The following DEDD2 variants were observed in gnomAD, a reference collection of about 807,000 sequenced individuals.
The protein encoded by DEDD2 is death effector domain containing 2, also known as DNA-binding death effector domain-containing protein 2.
A neutral mutation model predicts 28.9 loss-of-function variants in DEDD2; 18 were observed. That is an observed-to-expected ratio of 0.62 (90% CI 0.43 to 0.92). The LOEUF is 0.92. Ranked by LOEUF, DEDD2 falls within the 40% of genes least tolerant of loss-of-function variation. DEDD2 has a pLI of 0.00. For synonymous variants in DEDD2, 211 were observed against 206.1 expected, an observed-to-expected ratio of 1.02 and a Z score of -0.20; for missense variants, 411 against 463.3, an observed-to-expected ratio of 0.89 and a Z score of 1.04.
Position 42,199,252 on chromosome 19 carries a change from C to G in DEDD2, c.*186G>C. ...GGAGGAGTCTGGGAAGGAAACTCAG[C>G]TGGAAATGGTTTAGGCCTCAGAGCC... On this transcript the variant is annotated 3_prime_UTR_variant, in exon 5 of 5. Transcript: ENST00000596251. The surrounding 1 kb of genome is among the most constrained non-coding windows in gnomAD (Gnocchi z 7.4). 1 of 917,586 alleles carries G rather than the reference C, an allele frequency of 1.1e-6. No individual in the cohort carries two copies. Among genetic ancestry groups the G allele is most frequent in the Non-Finnish European group, 1.6e-6 (1 of 635,280 alleles). The allele number at this position is 917,586 out of a possible 1,614,324, so 56.8% of individuals were successfully genotyped here.
At chr19:42,206,263 G>A (rs2035530715) in intron 4 of DEDD2, among the ~76,000 whole-genome samples, 1 of 151,368 alleles carries the variant, frequency 6.6e-6, no homozygotes, top group Non-Finnish European at 1.5e-5. Context: ...CTCCATTCCT[G>A]TCAGTTTCCT....
At chr19:42,200,351 G>C (rs1296466348) in intron 4 of DEDD2, among the ~76,000 whole-genome samples, 1 of 152,244 alleles carries the variant, frequency 6.6e-6, no homozygotes, top group African/African-American at 2.4e-5. Context: ...GTTCACTTGT[G>C]TAACTGTGGC....
Position 42,198,693 on chromosome 19 carries a change from A to G in DEDD2, c.*745T>C, listed in dbSNP as rs1227169747. Reference sequence around the variant, plus strand: ...AAGCCTTTGCATTCCCTTTCCAAGAAGGTGGCTGTTTACTGGTTTTGGCCC... The same window carrying G: ...AAGCCTTTGCATTCCCTTTCCAAGAGGGTGGCTGTTTACTGGTTTTGGCCC... On this transcript the variant is annotated 3_prime_UTR_variant, in exon 5 of 5. Coordinates refer to ENST00000596251, the MANE Select transcript of DEDD2 (RefSeq NM_133328.4). 2 of 152,350 alleles carry G rather than the reference A, an allele frequency of 1.3e-5. No homozygotes were observed. Among genetic ancestry groups the G allele is most frequent in the Non-Finnish European group, 2.9e-5 (2 of 68,114 alleles). The allele number at this position is 152,350 out of a possible 1,614,324, so 9.4% of individuals were successfully genotyped here.
intron 4 of DEDD2, among the ~76,000 whole-genome samples, chr19:42,207,999 G>A (rs191097669): frequency 2.1e-3 from 326 of 152,218 alleles, no homozygotes; most frequent in African/African-American, 7.6e-3. Flanking sequence ...ACTGGGGCTG[G>A]CCAGGAGACT....
At chr19:42,217,778 G>A (rs2036048197), upstream of DEDD2, 1 of 152,362 alleles carries the variant, frequency 6.6e-6, no homozygotes, top group Non-Finnish European at 1.5e-5. Flanking sequence ...CGCCCCTTCG[G>A]CGCATGCGCA....
At chr19:42,204,261 G>A (rs1305354515) in intron 4 of DEDD2, among the ~76,000 whole-genome samples, 1 of 152,192 alleles carries the variant, frequency 6.6e-6, no homozygotes, top group Non-Finnish European at 1.5e-5. Context: ...TAGTTGGGTG[G>A]TGATAAGGTT....
chr19:42,199,185 C>T lies in DEDD2; in HGVS notation c.*253G>A, dbSNP rs576596244. 70 of 558,754 alleles carry T rather than the reference C, an allele frequency of 1.3e-4. No individual in the cohort carries two copies. In the South Asian group the frequency reaches 1.6e-3, roughly 13 times the overall value. 34.6% of individuals were successfully genotyped at this position (558,754 alleles called of 1,614,324 possible). ...GCCCCTCCCTTCTGAGATACAGGCC[C>T]AGCCCCCGCCTCCGGAGGCTAAGGG... On this transcript the variant is annotated 3_prime_UTR_variant, in exon 5 of 5. Coordinates refer to ENST00000596251, the MANE Select transcript of DEDD2 (RefSeq NM_133328.4). The surrounding 1 kb of genome is among the most constrained non-coding windows in gnomAD (Gnocchi z 7.4).
Position 42,199,801 on chromosome 19 carries a change from G to A in DEDD2, c.618C>T (p.Tyr206=). 1 of 1,602,186 alleles carries A rather than the reference G, an allele frequency of 6.2e-7. No individual in the cohort carries two copies. The highest frequency in any genetic ancestry group is 8.5e-7 in the Non-Finnish European group (1 of 1,174,206). ...CDIRLRVRAE[Y]CEHGPALEQG... ...GCTCCAAGGCTGGCCCATGCTCGCA[G>A]TACTCTGCTCGAACCCGGAGCCGGA... Residue 206 remains tyrosine, a synonymous_variant, in exon 5 of 5, where the codon TAC becomes TAT. Transcript: ENST00000596251. The surrounding 1 kb of genome is among the most constrained non-coding windows in gnomAD (Gnocchi z 7.4).
rs138800411 is a variant in DEDD2 at position 42,215,143 on chromosome 19, C to T, written c.438G>A (p.Gln146=). ...SSSSANSQQG[Q]WETGSPPTKR... ...CCCAGCTGGGCTCACCTGTCTCCCA[C>T]TGACCCTGCTGAGAATTTGCAGAAC... Residue 146 remains glutamine (Q), a synonymous_variant, in exon 3 of 5, where the codon CAG becomes CAA. Transcript: ENST00000596251. 1.2e-6 allele frequency: 2 copies of T among 1,613,976 alleles called. No homozygotes were observed. Among genetic ancestry groups the T allele is most frequent in the African/African-American group, 1.3e-5 (1 of 74,906 alleles).
intron 1 of DEDD2, 124 bp from the exon 2 acceptor site, chr19:42,217,169 T>A: frequency 1.4e-6 from 1 of 695,664 alleles, no homozygotes; most frequent in Non-Finnish European, 2.4e-6. Context: ...CCCAACCGCC[T>A]CGGCCTCCCC....
intron 4 of DEDD2, among the ~76,000 whole-genome samples, chr19:42,202,660 T>C (rs1054230275): frequency 1.4e-4 from 22 of 152,172 alleles, no homozygotes; most frequent in Non-Finnish European, 3.1e-4. Flanking sequence ...GGGAGACATG[T>C]AACCCACAGT....
intron 3 of DEDD2, among the ~76,000 whole-genome samples, chr19:42,212,478 T>C (rs2035810433): frequency 1.3e-5 from 2 of 151,504 alleles, no homozygotes; most frequent in South Asian, 2.1e-4. Context: ...TTTTTTTTTT[T>C]CTCTGAGACA....
At chr19:42,207,120 G>C (rs748188439) in intron 4 of DEDD2, among the ~76,000 whole-genome samples, 2 of 152,102 alleles carry the variant, frequency 1.3e-5, no homozygotes, top group Non-Finnish European at 2.9e-5. Flanking sequence ...TGGCTGATTC[G>C]AGGGGGAGTC....
At chr19:42,204,724 C>T (rs2146863067) in intron 4 of DEDD2, among the ~76,000 whole-genome samples, 1 of 152,266 alleles carries the variant, frequency 6.6e-6, no homozygotes, top group South Asian at 2.1e-4. Context: ...TGGAGAGAGG[C>T]AGCCAAGGTG....
At chr19:42,213,189 G>A (rs1045183159) in intron 3 of DEDD2, among the ~76,000 whole-genome samples, 1 of 152,174 alleles carries the variant, frequency 6.6e-6, no homozygotes, top group Non-Finnish European at 1.5e-5. Context: ...CTGACTGACT[G>A]TAACAAGTCA....
chr19:42,211,004 A>G (rs899593036), intron 3 of DEDD2, among the ~76,000 whole-genome samples: 1 of 145,438 alleles, frequency 6.9e-6, no homozygotes, highest in Non-Finnish European at 1.5e-5. Context: ...CAGGAGCTGG[A>G]GGCTGCAGTG....
chr19:42,211,534 C>G (rs576616283), intron 3 of DEDD2, among the ~76,000 whole-genome samples: 62 of 152,180 alleles, frequency 4.1e-4, no homozygotes, highest in South Asian at 8.3e-4. Flanking sequence ...AACAATTATT[C>G]AAGTAACTTG....
intron 4 of DEDD2, among the ~76,000 whole-genome samples, chr19:42,208,695 G>C (rs2035629273): frequency 6.6e-6 from 1 of 152,094 alleles, no homozygotes; most frequent in South Asian, 2.1e-4. Context: ...ACCCTCTCTT[G>C]GTGGCACTTA....
chr19:42,201,151 G>A (rs959718221), intron 4 of DEDD2, among the ~76,000 whole-genome samples: 1 of 152,176 alleles, frequency 6.6e-6, no homozygotes. Context: ...AAAAAATGGA[G>A]GCCAAGAGAA....
Sources: allele counts gnomAD v4.1 joint callset (sites outside exome capture counted in the v4.1 genomes callset), GRCh38; gene constraint gnomAD v4.1.1; non-coding constraint Gnocchi (gnomAD v3.1); transcripts MANE v1.5; gene names NCBI Gene and HGNC (gene_info 2026-07-23, HGNC 2026-07-21).